SHBG: variants seen among roughly 807,000 people sequenced by gnomAD.
SHBG encodes the protein sex hormone binding globulin, also known as sex hormone-binding globulin.
Under a neutral mutation model 41.9 loss-of-function variants are expected in SHBG, and 37 were observed. The observed-to-expected ratio is 0.88, with a 90% CI of 0.68 to 1.16. The LOEUF (loss-of-function observed/expected upper bound fraction) is 1.16. Among genes scored for constraint, SHBG ranks in the 50% most tolerant of loss-of-function variants. The probability of loss-of-function intolerance (pLI) is 0.00; values close to 1 mark genes in which losing one functional copy is unlikely to be tolerated. For synonymous variants in SHBG, 217 were observed against 205.8 expected (o/e 1.05, Z -0.47); for missense variants, 466 against 499.9 (o/e 0.93, Z 0.65).
chr17:7,627,298 G>A, upstream of SHBG: 1 of 1,612,096 alleles, frequency 6.2e-7, no homozygotes, highest in Non-Finnish European at 8.5e-7. This position sits in a 1 kb window ranked among gnomAD's most constrained non-coding sequence, Gnocchi z 4.8. Context: ...TGGAGCTGTC[G>A]CCTGGGGAAC....
intron 1 of SHBG, among the ~76,000 whole-genome samples, chr17:7,619,880 A>G (rs977049805): frequency 6.6e-6 from 1 of 152,100 alleles, no homozygotes; most frequent in Non-Finnish European, 1.5e-5. Context: ...TAATGCCTAA[A>G]CAAAAAACAC....
At position 7,633,285 on chromosome 17, in the gene SHBG, G is replaced by C. The variant is rs759304651; in HGVS notation, c.1142G>C (p.Arg381Thr). The change falls in exon 8 of 8, where the codon AGA becomes ACA. Residue 381 changes from arginine to threonine, a missense_variant. Physicochemically the swap from Arg to Thr is moderately conservative, Grantham distance 71. Coordinates refer to ENST00000380450, the MANE Select transcript of SHBG (RefSeq NM_001040.5). ...QRLDVDQALN[R>T]SHEIWTHSCP... ...CTGGATGTGGACCAGGCCCTGAACAGAAGCCATGAGATCTGGACTCACAGC... is the reference window on the plus strand; with the variant it reads ...CTGGATGTGGACCAGGCCCTGAACACAAGCCATGAGATCTGGACTCACAGC... 19 of 1,614,062 alleles carry C rather than the reference G, an allele frequency of 1.2e-5. No homozygotes were observed. The South Asian group carries it at 2.1e-4, about 18-fold the overall frequency.
chr17:7,626,468 C>G, upstream of SHBG: 2 of 1,614,046 alleles, frequency 1.2e-6, no homozygotes, highest in Non-Finnish European at 1.7e-6. Context: ...CCAACTTTCT[C>G]GTTGCCTCTC....
At chr17:7,614,381 C>A in intron 1 of SHBG, 1 of 1,132,088 alleles carries the variant, frequency 8.8e-7, no homozygotes, top group Non-Finnish European at 1.2e-6. Flanking sequence ...CTCGATCCCG[C>A]CCCACGCGTT....
chr17:7,614,609 C>T (rs1174369606), intron 1 of SHBG: 1 of 935,682 alleles, frequency 1.1e-6, no homozygotes, highest in Non-Finnish European at 1.4e-6. Flanking sequence ...AGGCCCCCGG[C>T]GTCTCCCCGG....
upstream of SHBG, chr17:7,627,242 T>C (rs1193009846): frequency 4.3e-6 from 7 of 1,613,512 alleles, no homozygotes; most frequent in African/African-American, 4.0e-5. The surrounding 1 kb of genome is among the most constrained non-coding windows in gnomAD (Gnocchi z 4.8). Context: ...GAGATTGGAG[T>C]TGTGACAAAG....
At position 7,633,357 on chromosome 17, in the gene SHBG, C is replaced by G. The variant is rs1026735070; in HGVS notation, c.*5C>G. The stretch of plus-strand genomic sequence containing the variant: ...GGCACTGACGCTTCCCATTAAAGCT[C>G]CACCTAAGAACCCCCTTTGAAAGTT... On this transcript the variant is annotated 3_prime_UTR_variant, in exon 8 of 8. Transcript: ENST00000380450. The G allele has an allele frequency of 6.2e-7, 1 of 1,613,106 alleles. No homozygotes were observed. The highest frequency in any genetic ancestry group is 1.1e-5 in the South Asian group (1 of 90,926).
upstream of SHBG, among the ~76,000 whole-genome samples, chr17:7,628,388 G>T (rs1034675161): frequency 3.3e-5 from 5 of 151,648 alleles, no homozygotes; most frequent in Admixed American, 2.0e-4. Context: ...CTCAGCCTCC[G>T]GAGTAGCTGG....
chr17:7,626,495 G>C, upstream of SHBG: 2 of 1,614,138 alleles, frequency 1.2e-6, no homozygotes, highest in Admixed American at 1.7e-5. Context: ...AGCAGAAGAA[G>C]TGCCAGCCCT....
intron 6 of SHBG, among the ~76,000 whole-genome samples, chr17:7,632,525 G>T (rs2072451815): frequency 6.6e-6 from 1 of 152,200 alleles, no homozygotes; most frequent in Non-Finnish European, 1.5e-5. Context: ...GCTCCCCACA[G>T]CAAGCAAACA....
At chr17:7,628,402 T>C (rs568022620), upstream of SHBG, among the ~76,000 whole-genome samples, 2 of 151,942 alleles carry the variant, frequency 1.3e-5, no homozygotes, top group Admixed American at 1.3e-4. Flanking sequence ...TAGCTGGAAC[T>C]ACAGTCGCGC....
At position 7,630,936 on chromosome 17, in the gene SHBG, A is replaced by C; in HGVS notation, c.393+67A>C. On this transcript the variant is annotated intron_variant, in intron 3 of 7. Transcript: ENST00000380450. The surrounding 1 kb of genome is among the most constrained non-coding windows in gnomAD (Gnocchi z 4.6). ...GGTCTGAGGAAAGGGAACAAAACCA[A>C]GTTATTGGGCATCCCTCTACCACTG... The C allele has an allele frequency of 6.9e-7, 1 of 1,441,458 alleles. No individual in the cohort carries two copies. The highest frequency in any genetic ancestry group is 1.4e-5 in the African/African-American group (1 of 71,672). 89.3% of individuals were successfully genotyped at this position (1,441,458 alleles called of 1,614,324 possible). A position where few individuals can be genotyped will look rare whatever the true frequency, so the allele number is the denominator to read the frequency against.
intron 1 of SHBG, among the ~76,000 whole-genome samples, chr17:7,617,419 C>G (rs1180353400): frequency 6.6e-6 from 1 of 151,622 alleles, no homozygotes; most frequent in Non-Finnish European, 1.5e-5. Flanking sequence ...CAAGACCAGT[C>G]TGGTGAAATT....
intron 1 of SHBG, among the ~76,000 whole-genome samples, chr17:7,622,137 G>A (rs914162391): frequency 1.3e-5 from 2 of 151,138 alleles, no homozygotes; most frequent in African/African-American, 4.9e-5. Context: ...GAGCCACTAC[G>A]CCCAGCCCAA....
At chr17:7,627,156 G>A (rs747517937), upstream of SHBG, 3 of 1,614,002 alleles carry the variant, frequency 1.9e-6, no homozygotes, top group Non-Finnish European at 2.5e-6. The surrounding 1 kb of genome is among the most constrained non-coding windows in gnomAD (Gnocchi z 4.8). Context: ...GTAGCTTCCC[G>A]GGCGCTGGAA....
intron 1 of SHBG, among the ~76,000 whole-genome samples, chr17:7,615,938 G>A (rs778364877): frequency 1.3e-5 from 2 of 152,098 alleles, no homozygotes; most frequent in African/African-American, 2.4e-5. Context: ...AGGAGGCTCA[G>A]GCGGTGGATC....
intron 1 of SHBG, among the ~76,000 whole-genome samples, chr17:7,616,839 G>A (rs1038502595): frequency 6.6e-6 from 1 of 152,146 alleles, no homozygotes; most frequent in African/African-American, 2.4e-5. Context: ...GGGAGGCTGA[G>A]GCAAGAGAAT....
chr17:7,617,034 G>A (rs1398568279), intron 1 of SHBG, among the ~76,000 whole-genome samples: 1 of 152,130 alleles, frequency 6.6e-6, no homozygotes, highest in Admixed American at 6.6e-5. Flanking sequence ...TTCACATTCT[G>A]GGAGTTGTCC....
upstream of SHBG, chr17:7,627,315 C>T (rs1161467419): frequency 6.2e-7 from 1 of 1,613,144 alleles, no homozygotes; most frequent in Non-Finnish European, 8.5e-7. The surrounding 1 kb of genome is among the most constrained non-coding windows in gnomAD (Gnocchi z 4.8). Flanking sequence ...GAACCCATCC[C>T]TCATTTCCTC....
Sources: allele counts gnomAD v4.1 joint callset (sites outside exome capture counted in the v4.1 genomes callset), GRCh38; gene constraint gnomAD v4.1.1; non-coding constraint Gnocchi (gnomAD v3.1); transcripts MANE v1.5; gene names NCBI Gene and HGNC (gene_info 2026-07-23, HGNC 2026-07-21).